The following GLI2 variants were observed in gnomAD, a reference collection of about 807,000 sequenced individuals.
GLI2 encodes the protein transcription activator GLI2.
A neutral mutation model predicts 78.9 loss-of-function variants in GLI2; 22 were observed. The ratio of observed to expected loss-of-function variants is 0.28; its 90% confidence interval spans 0.20 to 0.40. GLI2 has a LOEUF of 0.40. Ranked by LOEUF, GLI2 falls within the 10% of genes least tolerant of loss-of-function variation. GLI2 has a pLI of 1.00. For synonymous variants in GLI2, 974 were observed against 963.7 expected, an observed-to-expected ratio of 1.01 and a Z score of -0.20; for missense variants, 2,097 against 2,213.2, an observed-to-expected ratio of 0.95 and a Z score of 1.05.
intron 2 of GLI2, among the ~76,000 whole-genome samples, chr2:120,917,117 T>A (rs550767388): frequency 6.7e-4 from 102 of 152,288 alleles, no homozygotes; most frequent in Non-Finnish European, 1.1e-3. Flanking sequence ...GCATCATTGG[T>A]GTTGGGAGGG....
intron 1 of GLI2, among the ~76,000 whole-genome samples, chr2:120,749,351 A>G (rs1682793507): frequency 6.6e-6 from 1 of 152,238 alleles, no homozygotes; most frequent in Non-Finnish European, 1.5e-5. Context: ...ATTAGTGATT[A>G]GTTTTAATAT....
In GLI2 at chr2:120,927,391, C is replaced by T. The variant is rs1216175506; in HGVS notation, c.179C>T (p.Ala60Val). 18 of 1,613,654 alleles carry T rather than the reference C, an allele frequency of 1.1e-5. No homozygotes were observed. The highest frequency in any genetic ancestry group is 1.6e-4 in the Middle Eastern group (1 of 6,084). Residue 60 changes from alanine to valine, a missense_variant, in exon 3 of 14, where the codon GCG becomes GTG. This residue lies in a region of GLI2 where 578 missense variants were observed against 612.0 expected (regional missense o/e 0.94). Transcript: ENST00000361492. ...CAGCATCTCTTGCCACCATTCCATG[C>T]GCCCCTACCGATTGACATGCGACAC... ...VPQHLLPPFH[A>V]PLPIDMRHQE...
chr2:120,773,932 T>C (rs1357752440), intron 1 of GLI2, among the ~76,000 whole-genome samples: 3 of 89,378 alleles, frequency 3.4e-5, no homozygotes, highest in African/African-American at 1.7e-4. Context: ...CTTCCTTCCT[T>C]CCCTCCCTCC....
In GLI2 at chr2:120,797,397, C is replaced by G. The variant is rs1234816850; in HGVS notation, c.77C>G (p.Pro26Arg). The change falls in exon 2 of 14, where the codon CCC becomes CGC. Residue 26 changes from proline to arginine, a missense_variant. Coordinates refer to ENST00000361492, the MANE Select transcript of GLI2 (RefSeq NM_001374353.1). ...KSGILEAAGFPDPGKKASPLV... is the reference protein window; with the variant it reads ...KSGILEAAGFRDPGKKASPLV... ...GGGATCCTGGAGGCCGCTGGCTTCC[C>G]CGACCCGGGTAAAAAGGCCTCTCCT... is the stretch of plus-strand genomic sequence containing the variant. 1.2e-6 allele frequency: 2 copies of G among 1,613,940 alleles called. No homozygotes were observed. Among genetic ancestry groups the G allele is most frequent in the Non-Finnish European group, 1.7e-6 (2 of 1,179,890 alleles).
At chr2:120,978,662 T>C in intron 10 of GLI2, 79 bp downstream of exon 10, 11 of 1,508,266 alleles carry the variant, frequency 7.3e-6, no homozygotes, top group Admixed American at 1.9e-5. Flanking sequence ...TGTTTGGAGG[T>C]GGCTGGCCAC....
intron 11 of GLI2, 116 bp from the exon 12 acceptor site, chr2:120,984,355 G>A (rs1180723283): frequency 4.2e-5 from 45 of 1,082,200 alleles, no homozygotes; most frequent in Admixed American, 2.2e-4. Flanking sequence ...ACCTACTGAC[G>A]TTGCCAGCTG....
chr2:120,986,392 C>T lies in GLI2; in HGVS notation c.2020C>T (p.Leu674=), dbSNP rs1442274399. The T allele has an allele frequency of 6.2e-7, 1 of 1,613,588 alleles. No individual in the cohort carries two copies. Among genetic ancestry groups the T allele is most frequent in the East Asian group, 2.2e-5 (1 of 44,880 alleles). The change falls in exon 13 of 14, where the codon CTG becomes TTG. Residue 674 remains leucine, a synonymous_variant. Coordinates refer to ENST00000361492, the MANE Select transcript of GLI2 (RefSeq NM_001374353.1). ...VEMPGTGPGS[L]GDLTALDDTP... ...GATGCCGGGGACGGGGCCCGGGAGC[C>T]TGGGAGACCTGACGGCACTGGATGA... is the stretch of plus-strand genomic sequence containing the variant.
intron 3 of GLI2, among the ~76,000 whole-genome samples, chr2:120,940,201 T>C (rs1468815424): frequency 1.3e-5 from 2 of 152,220 alleles, no homozygotes; most frequent in African/African-American, 2.4e-5. Flanking sequence ...GTGAATATCC[T>C]CTCCCAGTTC....
At chr2:120,759,644 C>G (rs1485655105) in intron 1 of GLI2, among the ~76,000 whole-genome samples, 1 of 152,146 alleles carries the variant, frequency 6.6e-6, no homozygotes, top group East Asian at 1.9e-4. Flanking sequence ...AGCTCCTGAA[C>G]CTAGTCCTTT....
rs140470022 is a variant in GLI2, at chr2:120,844,148, C to T, written c.148+46680C>T. 3.2e-3 allele frequency among the ~76,000 whole-genome samples: 489 copies of T among 152,282 alleles called. 2 individuals are homozygous for T. The highest frequency in any genetic ancestry group is 0.011 in the African/African-American group (458 of 41,548). On this transcript the variant is annotated intron_variant, in intron 2 of 13. Coordinates refer to ENST00000361492, the MANE Select transcript of GLI2 (RefSeq NM_001374353.1). ...TAGTTCGAAATTAGCAGTCAGCACA[C>T]GTGTCTGTTAAGGGCCAGAGAGTAA...
chr2:120,766,064 C>T (rs986022225), intron 1 of GLI2, among the ~76,000 whole-genome samples: 8 of 152,196 alleles, frequency 5.3e-5, no homozygotes, highest in Non-Finnish European at 1.2e-4. Context: ...TCCCCTCTCG[C>T]GTGGCTGGAT....
chr2:120,838,044 T>C (rs1686699316), intron 2 of GLI2, among the ~76,000 whole-genome samples: 1 of 152,172 alleles, frequency 6.6e-6, no homozygotes, highest in African/African-American at 2.4e-5. Context: ...TTGATTATAA[T>C]TGAGTTATTT....
At chr2:120,851,082 C>G (rs1263478449) in intron 2 of GLI2, among the ~76,000 whole-genome samples, 3 of 152,098 alleles carry the variant, frequency 2.0e-5, no homozygotes, top group Non-Finnish European at 4.4e-5. Flanking sequence ...CTTTTCTCAG[C>G]CTTTTGGCTA....
At chr2:120,875,583 G>A (rs1688697258) in intron 2 of GLI2, among the ~76,000 whole-genome samples, 1 of 152,248 alleles carries the variant, frequency 6.6e-6, no homozygotes, top group Non-Finnish European at 1.5e-5. Context: ...AACAGCTGCT[G>A]CTGTTTATGG....
chr2:120,877,182 C>G (rs928448620), intron 2 of GLI2, among the ~76,000 whole-genome samples: 11 of 152,200 alleles, frequency 7.2e-5, no homozygotes, highest in African/African-American at 2.7e-4. Flanking sequence ...GAGCACTGTC[C>G]CTGGAGCTCT....
At chr2:120,939,495 T>A (rs1384650868) in intron 3 of GLI2, among the ~76,000 whole-genome samples, 1 of 152,212 alleles carries the variant, frequency 6.6e-6, no homozygotes, top group Non-Finnish European at 1.5e-5. Context: ...TTTTACCTTG[T>A]GTCTGACTCC....
chr2:120,767,254 G>A lies in GLI2; in HGVS notation c.-30-30037G>A, dbSNP rs142957225. 8.5e-4 allele frequency among the ~76,000 whole-genome samples: 130 copies of A among 152,114 alleles called. 1 individual carries two copies. The East Asian group carries it at 0.023, about 27-fold the overall frequency. On this transcript the variant is annotated intron_variant, in intron 1 of 13. Transcript: ENST00000361492. The stretch of plus-strand genomic sequence containing the variant: ...GCCTGGGGCCCCTGTGGAGATTGCC[G>A]CCAGCACTGATCGCTTTTCCAAGGG...
chr2:120,966,146 AATAAAGTATACCAAGTACTGGGTCAC>A (rs1333487994), intron 5 of GLI2, among the ~76,000 whole-genome samples: 3 of 152,210 alleles, frequency 2.0e-5, no homozygotes, highest in African/African-American at 4.8e-5. Flanking sequence ...TCTCGTTGAA[AATAAAGTATACCAAGTACTGGGTCAC>A]ATGACCATCT....
intron 2 of GLI2, among the ~76,000 whole-genome samples, chr2:120,877,352 G>A (rs900553503): frequency 2.6e-5 from 4 of 152,160 alleles, no homozygotes; most frequent in Non-Finnish European, 5.9e-5. Flanking sequence ...AAATGGCCAC[G>A]CATCCTTCAA....
Sources: allele counts gnomAD v4.1 joint callset (sites outside exome capture counted in the v4.1 genomes callset), GRCh38; gene constraint gnomAD v4.1.1; regional missense constraint gnomAD v4.1.1; transcripts MANE v1.5; gene names NCBI Gene and HGNC (gene_info 2026-07-23, HGNC 2026-07-21).